CSMD1: variants seen among roughly 807,000 people sequenced by gnomAD.
CSMD1 encodes the protein CUB and sushi domain-containing protein 1.
Under a neutral mutation model 417.5 loss-of-function variants are expected in CSMD1, and 213 were observed. That is an observed-to-expected ratio of 0.51 (90% CI 0.46 to 0.57). The LOEUF is 0.57. CSMD1 is among the 20% of genes least tolerant of loss of function. The probability of loss-of-function intolerance (pLI) is 0.00; values close to 1 mark genes in which losing one functional copy is unlikely to be tolerated. For synonymous variants in CSMD1, 2,862 were observed against 1,736.8 expected (o/e 1.65, Z -16.11); for missense variants, 6,923 against 4,529.7 (o/e 1.53, Z -15.17).
At chr8:4,027,017 C>T (rs1007961951) in intron 4 of CSMD1, among the ~76,000 whole-genome samples, 1 of 152,158 alleles carries the variant, frequency 6.6e-6, no homozygotes, top group African/African-American at 2.4e-5. Flanking sequence ...ATAAGCTAAC[C>T]ACATGATGTC....
chr8:4,563,531 T>C (rs777998513), intron 2 of CSMD1, among the ~76,000 whole-genome samples: 3 of 152,204 alleles, frequency 2.0e-5, no homozygotes, highest in African/African-American at 4.8e-5. Flanking sequence ...CACGCACTGA[T>C]ACTCCTCACC....
chr8:3,750,803 T>A (rs1380107151), intron 6 of CSMD1, among the ~76,000 whole-genome samples: 1 of 152,158 alleles, frequency 6.6e-6, no homozygotes, highest in Non-Finnish European at 1.5e-5. Context: ...AAGCTGTTGC[T>A]CTGTCTCCAG....
chr8:4,160,423 A>G (rs1196825136), intron 3 of CSMD1, among the ~76,000 whole-genome samples: 2 of 152,176 alleles, frequency 1.3e-5, no homozygotes, highest in African/African-American at 2.4e-5. Flanking sequence ...ATTCAATGAA[A>G]TAGTCCAGAA....
chr8:4,242,727 G>C lies in CSMD1; in HGVS notation c.415+177226C>G, dbSNP rs1287555149. ...AGTGGAGCCCACTCTGCCCAGTTGA[G>C]TGGCTCTCCTGCAGGGCACAATCTG... On this transcript the variant is annotated intron_variant, in intron 3 of 69. Coordinates refer to ENST00000635120, the MANE Select transcript of CSMD1 (RefSeq NM_033225.6). Among the ~76,000 whole-genome samples, 6 of 152,168 alleles carry C rather than the reference G, an allele frequency of 3.9e-5. No individual in the cohort carries two copies. In the East Asian group the frequency reaches 7.8e-4, roughly 20 times the overall value.
intron 63 of CSMD1, 46 bp downstream of exon 63, chr8:2,957,650 C>T (rs1333143978): frequency 2.5e-6 from 3 of 1,222,474 alleles, no homozygotes; most frequent in Admixed American, 4.0e-5. Context: ...CAGACATTCA[C>T]AATAAATAGG....
At position 3,461,372 on chromosome 8, in the gene CSMD1, T is replaced by A. The variant is rs182351744; in HGVS notation, c.1561+7340A>T. ...GTATGCTGGGAAGGATGTGCTGCTG[T>A]CCTCTGGATGTGGTCTTCACCCTAA... On this transcript the variant is annotated intron_variant, in intron 12 of 69. Coordinates refer to ENST00000635120, the MANE Select transcript of CSMD1 (RefSeq NM_033225.6). 2.6e-5 allele frequency among the ~76,000 whole-genome samples: 4 copies of A among 152,290 alleles called. No individual in the cohort carries two copies. In the East Asian group the frequency reaches 7.7e-4, roughly 29 times the overall value.
Position 4,522,923 on chromosome 8 carries a change from G to T in CSMD1, c.303-102858C>A, listed in dbSNP as rs75981588. 2.6e-3 allele frequency among the ~76,000 whole-genome samples: 397 copies of T among 152,278 alleles called. 3 individuals carry two copies. Among genetic ancestry groups the T allele is most frequent in the African/African-American group, 9.0e-3 (372 of 41,564 alleles). On this transcript the variant is annotated intron_variant, in intron 2 of 69. Coordinates refer to ENST00000635120, the MANE Select transcript of CSMD1 (RefSeq NM_033225.6). ...TAAGGATCCTACAAATAAGGACATTGCTGTTATCCTTGCTCTACTAGGGAA... is the reference window on the plus strand; with the variant it reads ...TAAGGATCCTACAAATAAGGACATTTCTGTTATCCTTGCTCTACTAGGGAA...
intron 6 of CSMD1, among the ~76,000 whole-genome samples, chr8:3,728,968 G>A (rs527887734): frequency 1.1e-4 from 17 of 152,278 alleles, no homozygotes; most frequent in East Asian, 1.9e-4. Context: ...TCGAATATCT[G>A]CAGGGCTGAG....
intron 3 of CSMD1, among the ~76,000 whole-genome samples, chr8:4,131,319 T>G (rs1803089231): frequency 6.6e-6 from 1 of 152,200 alleles, no homozygotes; most frequent in Non-Finnish European, 1.5e-5. Context: ...ATGTGAGGTC[T>G]GACTGTGCTT....
At chr8:3,392,151 A>G (rs1585096183) in intron 17 of CSMD1, among the ~76,000 whole-genome samples, 1 of 151,844 alleles carries the variant, frequency 6.6e-6, no homozygotes, top group Non-Finnish European at 1.5e-5. Flanking sequence ...GATATACCTA[A>G]TGTTAAATGA....
chr8:3,955,632 T>A (rs1811889405), intron 5 of CSMD1, among the ~76,000 whole-genome samples: 2 of 152,090 alleles, frequency 1.3e-5, no homozygotes, highest in Non-Finnish European at 2.9e-5. Flanking sequence ...CATCAATAAA[T>A]ACCTCACTAC....
chr8:4,647,495 G>C (rs555810685), intron 1 of CSMD1, among the ~76,000 whole-genome samples: 1 of 148,272 alleles, frequency 6.7e-6, no homozygotes, highest in African/African-American at 2.6e-5. Flanking sequence ...ATGGTGGTTT[G>C]TTACGTAGGT....
chr8:4,083,720 C>T (rs1178106636), intron 3 of CSMD1, among the ~76,000 whole-genome samples: 1 of 152,098 alleles, frequency 6.6e-6, no homozygotes, highest in East Asian at 1.9e-4. Context: ...AAACGTTAGA[C>T]CTAAAGCCAT....
chr8:4,264,875 G>A (rs528116611), intron 3 of CSMD1, among the ~76,000 whole-genome samples: 49 of 152,258 alleles, frequency 3.2e-4, no homozygotes, highest in African/African-American at 1.2e-3. Flanking sequence ...GCCCTAGGTA[G>A]GACGATGAAC....
chr8:3,710,028 C>A (rs530326944), intron 6 of CSMD1, among the ~76,000 whole-genome samples: 1 of 151,984 alleles, frequency 6.6e-6, no homozygotes, highest in South Asian at 2.1e-4. Flanking sequence ...GAAAATAGCC[C>A]ACTCTTGACC....
chr8:4,449,048 G>C (rs1267906533), intron 2 of CSMD1, among the ~76,000 whole-genome samples: 1 of 152,134 alleles, frequency 6.6e-6, no homozygotes, highest in African/African-American at 2.4e-5. Context: ...TGAGTAAAAG[G>C]CCCACAGAAG....
At chr8:3,708,067 G>C (rs185643725) in intron 7 of CSMD1, among the ~76,000 whole-genome samples, 232 of 152,306 alleles carry the variant, frequency 1.5e-3, no homozygotes, top group African/African-American at 5.3e-3. Flanking sequence ...CCTTTGCAGA[G>C]ATCAGTCTGG....
chr8:4,809,618 A>G (rs976764773), intron 1 of CSMD1, among the ~76,000 whole-genome samples: 3 of 152,218 alleles, frequency 2.0e-5, no homozygotes, highest in African/African-American at 7.2e-5. Context: ...TCTCCAGTAG[A>G]AATAATATGC....
In CSMD1 at chr8:3,265,062, C is replaced by T. The variant is rs183576523; in HGVS notation, c.4153+19082G>A. Among the ~76,000 whole-genome samples the T allele has an allele frequency of 3.8e-4, 58 of 152,252 alleles. 1 individual carries two copies. The highest frequency in any genetic ancestry group is 3.3e-3 in the East Asian group (17 of 5,190). On this transcript the variant is annotated intron_variant, in intron 26 of 69. Coordinates refer to ENST00000635120, the MANE Select transcript of CSMD1 (RefSeq NM_033225.6). ...AGCATCTTTAGGGCACTTCAGAAGG[C>T]AATTCAACACAAATCTGTTGAATAG...
Sources: gnomAD v4.1 joint callset for allele counts (sites outside exome capture counted in the v4.1 genomes callset) on GRCh38, gnomAD v4.1.1 for gene constraint, MANE v1.5 for transcripts, NCBI Gene and HGNC (gene_info 2026-07-23, HGNC 2026-07-21) for gene names.